Variants in PKP4 observed in about 807,000 individuals in gnomAD.
The protein encoded by PKP4 is plakophilin-4.
In PKP4, 90 loss-of-function variants were observed where a neutral mutation model predicts 145.1. The observed-to-expected ratio is 0.62, with a 90% CI of 0.52 to 0.74. The LOEUF (loss-of-function observed/expected upper bound fraction) is 0.74. Ranked by LOEUF, PKP4 falls within the 30% of genes least tolerant of loss-of-function variation. The pLI is 0.00. For synonymous variants in PKP4, 563 were observed against 577.2 expected (o/e 0.98, Z 0.35); for missense variants, 1,340 against 1,482.7 (o/e 0.90, Z 1.58).
At chr2:158,528,677 A>C (rs2043212901) in intron 1 of PKP4, among the ~76,000 whole-genome samples, 1 of 149,228 alleles carries the variant, frequency 6.7e-6, no homozygotes. Context: ...ATGAAAAAAA[A>C]AAAAAAAAAG....
At chr2:158,657,317 T>C (rs1402907600) in intron 11 of PKP4, among the ~76,000 whole-genome samples, 1 of 152,208 alleles carries the variant, frequency 6.6e-6, no homozygotes, top group African/African-American at 2.4e-5. Context: ...AGCTACCTCA[T>C]ACTTGGTGCA....
At chr2:158,613,024 C>A (rs2051277325) in intron 4 of PKP4, among the ~76,000 whole-genome samples, 1 of 152,148 alleles carries the variant, frequency 6.6e-6, no homozygotes. Flanking sequence ...TAAAAAATCA[C>A]CACTGGATAT....
intron 21 of PKP4, chr2:158,678,857 G>A: frequency 1.7e-6 from 1 of 597,100 alleles, no homozygotes; most frequent in Non-Finnish European, 3.0e-6. Flanking sequence ...ATCCACATCG[G>A]TACTGCTGAG....
At chr2:158,567,156 G>A in intron 2 of PKP4, among the ~76,000 whole-genome samples, 1 of 152,160 alleles carries the variant, frequency 6.6e-6, no homozygotes, top group East Asian at 1.9e-4. Flanking sequence ...GAGATACTAA[G>A]ATGAGTGAAA....
intron 8 of PKP4, chr2:158,632,380 T>C (rs2053442785): frequency 5.6e-6 from 1 of 177,234 alleles, no homozygotes; most frequent in Non-Finnish European, 1.2e-5. Context: ...TACTCCTTTT[T>C]TAATGTTGGA....
At chr2:158,555,206 G>A (rs2045989017) in intron 2 of PKP4, among the ~76,000 whole-genome samples, 1 of 152,148 alleles carries the variant, frequency 6.6e-6, no homozygotes, top group African/African-American at 2.4e-5. Flanking sequence ...AATTATGAGT[G>A]CTTATAAAGT....
At chr2:158,680,350 G>A in intron 21 of PKP4, 79 bp from the exon 22 acceptor site, 1 of 1,041,380 alleles carries the variant, frequency 9.6e-7, no homozygotes, top group Non-Finnish European at 1.4e-6. Context: ...TATGAAGCAG[G>A]AAGCCCACAT....
chr2:158,639,783 G>A (rs2054122600), intron 9 of PKP4, among the ~76,000 whole-genome samples: 1 of 152,178 alleles, frequency 6.6e-6, no homozygotes, highest in South Asian at 2.1e-4. Context: ...AAATGGTATA[G>A]CATAGTGTTG....
chr2:158,646,813 G>A (rs571975564), intron 11 of PKP4, among the ~76,000 whole-genome samples: 2 of 152,192 alleles, frequency 1.3e-5, no homozygotes, highest in Admixed American at 6.5e-5. Context: ...CAAAGTAGCC[G>A]CCATCACATG....
At chr2:158,647,165 G>C (rs1161999044) in intron 11 of PKP4, among the ~76,000 whole-genome samples, 2 of 152,146 alleles carry the variant, frequency 1.3e-5, no homozygotes, top group Non-Finnish European at 2.9e-5. Context: ...CAGAACATTA[G>C]CCTTAGATTT....
intron 4 of PKP4, among the ~76,000 whole-genome samples, chr2:158,611,154 T>C (rs938690236): frequency 6.6e-6 from 1 of 152,154 alleles, no homozygotes; most frequent in Non-Finnish European, 1.5e-5. Context: ...AGTTAGGAGT[T>C]TTGATGTTTG....
At chr2:158,502,787 G>A (rs1048130229) in intron 1 of PKP4, among the ~76,000 whole-genome samples, 5 of 152,196 alleles carry the variant, frequency 3.3e-5, no homozygotes, top group African/African-American at 4.8e-5. Flanking sequence ...CAGAATATTT[G>A]TTTACATTTA....
chr2:158,602,277 A>G (rs1489336290), intron 3 of PKP4, among the ~76,000 whole-genome samples: 2 of 152,198 alleles, frequency 1.3e-5, no homozygotes, highest in African/African-American at 4.8e-5. Context: ...AGTTACCAGC[A>G]TGTGTTTCTT....
chr2:158,581,078 A>G lies in PKP4; in HGVS notation c.245+3695A>G, dbSNP rs140703586. 2.7e-3 allele frequency among the ~76,000 whole-genome samples: 407 copies of G among 152,290 alleles called. 2 individuals are homozygous for G. Among genetic ancestry groups the G allele is most frequent in the African/African-American group, 9.5e-3 (396 of 41,550 alleles). The stretch of plus-strand genomic sequence containing the variant: ...AAGGTGCTTTGCCATTAGGGGAGCT[A>G]AAGTTTTTTATTGTGTCACTTGAGA... On this transcript the variant is annotated intron_variant, in intron 3 of 21. Coordinates refer to ENST00000389759, the MANE Select transcript of PKP4 (RefSeq NM_003628.6).
chr2:158,633,929 G>T (rs2053604225), intron 8 of PKP4, 141 bp from the exon 9 acceptor site: 3 of 573,542 alleles, frequency 5.2e-6, no homozygotes, highest in Non-Finnish European at 9.3e-6. Context: ...CACTAATAAG[G>T]TAGAATTTTA....
intron 3 of PKP4, among the ~76,000 whole-genome samples, chr2:158,596,505 GTA>G (rs938397225): frequency 2.6e-5 from 4 of 151,864 alleles, no homozygotes; most frequent in African/African-American, 7.3e-5. Context: ...CCTGATTCAT[GTA>G]TTAATTACAT....
chr2:158,469,035 T>C (rs1691136858), intron 1 of PKP4, among the ~76,000 whole-genome samples: 1 of 151,964 alleles, frequency 6.6e-6, no homozygotes, highest in African/African-American at 2.4e-5. Flanking sequence ...TGCCTCAGCA[T>C]CCCAAAGTGC....
At chr2:158,624,629 C>T (rs2052573535) in intron 6 of PKP4, among the ~76,000 whole-genome samples, 1 of 145,678 alleles carries the variant, frequency 6.9e-6, no homozygotes, top group African/African-American at 2.6e-5. Context: ...TAAATGTCTT[C>T]AGATCTCTTT....
intron 4 of PKP4, among the ~76,000 whole-genome samples, chr2:158,618,740 T>C (rs911441999): frequency 6.6e-5 from 10 of 152,144 alleles, no homozygotes; most frequent in African/African-American, 2.4e-4. Flanking sequence ...TTCTGTTTTT[T>C]TTTTAAGCTC....
Sources: allele counts gnomAD v4.1 joint callset (sites outside exome capture counted in the v4.1 genomes callset), GRCh38; gene constraint gnomAD v4.1.1; transcripts MANE v1.5; gene names NCBI Gene and HGNC (gene_info 2026-07-23, HGNC 2026-07-21).